Variants in HERPUD2 observed in about 807,000 individuals in gnomAD.
HERPUD2 encodes HERPUD family member 2, also known as homocysteine-responsive endoplasmic reticulum-resident ubiquitin-like domain member 2 protein.
Under a neutral mutation model 49.9 loss-of-function variants are expected in HERPUD2, and 13 were observed. That is an observed-to-expected ratio of 0.26 (90% confidence interval 0.17 to 0.41). HERPUD2 has a LOEUF of 0.41. HERPUD2 is among the 10% of genes least tolerant of loss of function. HERPUD2 has a pLI of 1.00. For missense variants in HERPUD2, 449 were observed against 492.2 expected (o/e 0.91, Z 0.83); for synonymous variants, 172 against 171.4 (o/e 1.00, Z -0.03).
chr7:35,669,979 G>A (rs756476692), intron 4 of HERPUD2, among the ~76,000 whole-genome samples: 122 of 151,614 alleles, frequency 8.0e-4, no homozygotes, highest in Non-Finnish European at 1.6e-3. Context: ...ATCTATTACT[G>A]ACCTGCCATA....
At chr7:35,646,408 T>A (rs1406192242) in intron 5 of HERPUD2, among the ~76,000 whole-genome samples, 1 of 151,020 alleles carries the variant, frequency 6.6e-6, no homozygotes, top group African/African-American at 2.4e-5. Flanking sequence ...AAAAAAAAAA[T>A]TCAATTAGCT....
intron 4 of HERPUD2, 66 bp downstream of exon 4, chr7:35,670,149 C>CA (rs1281735522): frequency 1.9e-5 from 14 of 723,518 alleles, no homozygotes; most frequent in Non-Finnish European, 2.7e-5. Context: ...TTTTTAGAGG[C>CA]AAAAAATAAG....
At chr7:35,665,906 T>G (rs564884725) in intron 5 of HERPUD2, among the ~76,000 whole-genome samples, 2 of 152,338 alleles carry the variant, frequency 1.3e-5, no homozygotes, top group African/African-American at 4.8e-5. Flanking sequence ...CTTGATTTGT[T>G]TATTACAAAA....
At chr7:35,660,439 T>C (rs1477884679) in intron 5 of HERPUD2, among the ~76,000 whole-genome samples, 1 of 152,236 alleles carries the variant, frequency 6.6e-6, no homozygotes, top group Non-Finnish European at 1.5e-5. Flanking sequence ...TCTAGATCCT[T>C]GAGGAATCGC....
At chr7:35,665,722 G>A (rs1336714110) in intron 5 of HERPUD2, among the ~76,000 whole-genome samples, 1 of 152,134 alleles carries the variant, frequency 6.6e-6, no homozygotes, top group Non-Finnish European at 1.5e-5. Context: ...TTCCTATTCG[G>A]CCATCTTGGC....
chr7:35,640,224 C>G (rs1319012190), intron 5 of HERPUD2, among the ~76,000 whole-genome samples: 3 of 152,198 alleles, frequency 2.0e-5, no homozygotes, highest in African/African-American at 7.2e-5. Context: ...AGTATTACAG[C>G]AATATGCTGT....
At chr7:35,636,139 G>C (rs1023597904) in intron 6 of HERPUD2, among the ~76,000 whole-genome samples, 1 of 152,146 alleles carries the variant, frequency 6.6e-6, no homozygotes, top group Non-Finnish European at 1.5e-5. Flanking sequence ...TCTTGGATTT[G>C]CTTTAAATTA....
intron 5 of HERPUD2, among the ~76,000 whole-genome samples, chr7:35,660,726 T>C (rs537806139): frequency 6.6e-6 from 1 of 152,314 alleles, no homozygotes; most frequent in Non-Finnish European, 1.5e-5. Flanking sequence ...GATGGGGTTG[T>C]TGGATTTTTT....
intron 6 of HERPUD2, among the ~76,000 whole-genome samples, chr7:35,637,200 T>C (rs1048269600): frequency 6.8e-6 from 1 of 147,206 alleles, no homozygotes; most frequent in African/African-American, 2.6e-5. Flanking sequence ...GATAGATAGA[T>C]AGATAAAAGA....
In HERPUD2 at chr7:35,632,840, T is replaced by C. The variant is rs1170827619; in HGVS notation, c.*850A>G. 1 of 152,626 alleles carries C rather than the reference T, an allele frequency of 6.6e-6. No individual in the cohort carries two copies. The highest frequency in any genetic ancestry group is 1.5e-5 in the Non-Finnish European group (1 of 68,024). The allele number at this position is 152,626 out of a possible 1,614,324, so 9.5% of individuals were successfully genotyped here. On this transcript the variant is annotated 3_prime_UTR_variant, in exon 9 of 9. Coordinates refer to ENST00000311350, the MANE Select transcript of HERPUD2 (RefSeq NM_022373.5). ...ATACATGCCCTTAATACAGAAAGTT[T>C]CCATTATTTATTCAAATATCAAAAT...
chr7:35,644,224 C>G (rs1328867204), intron 5 of HERPUD2, among the ~76,000 whole-genome samples: 1 of 150,344 alleles, frequency 6.7e-6, no homozygotes, highest in Non-Finnish European at 1.5e-5. Context: ...CTAAAACATA[C>G]ATAGCACCAC....
chr7:35,639,698 A>C (rs1784936864), intron 5 of HERPUD2, among the ~76,000 whole-genome samples: 1 of 152,214 alleles, frequency 6.6e-6, no homozygotes, highest in Non-Finnish European at 1.5e-5. Context: ...TTCATTAGCT[A>C]TAATTTTATA....
chr7:35,687,673 G>A (rs1777968440), intron 2 of HERPUD2, among the ~76,000 whole-genome samples: 1 of 152,138 alleles, frequency 6.6e-6, no homozygotes, highest in Non-Finnish European at 1.5e-5. Flanking sequence ...GGACTTTTTT[G>A]TTGTTTCTAA....
chr7:35,692,918 C>G (rs1786223499), intron 2 of HERPUD2, among the ~76,000 whole-genome samples: 1 of 152,194 alleles, frequency 6.6e-6, no homozygotes, highest in Non-Finnish European at 1.5e-5. Flanking sequence ...TCCAACAGAT[C>G]CATGCTTAAA....
chr7:35,653,712 T>C (rs1429021354), intron 5 of HERPUD2, among the ~76,000 whole-genome samples: 1 of 152,228 alleles, frequency 6.6e-6, no homozygotes, highest in Admixed American at 6.5e-5. Context: ...TCAAGTATCT[T>C]TTATGACCAC....
At chr7:35,675,423 TA>T (rs1262979808) in intron 2 of HERPUD2, among the ~76,000 whole-genome samples, 1 of 152,220 alleles carries the variant, frequency 6.6e-6, no homozygotes, top group African/African-American at 2.4e-5. Flanking sequence ...CAATGCTTTA[TA>T]AATCTCTATA....
At chr7:35,672,889 TC>T (rs372434003) in intron 3 of HERPUD2, among the ~76,000 whole-genome samples, 157 of 152,138 alleles carry the variant, frequency 1.0e-3, no homozygotes, top group African/African-American at 3.5e-3. Flanking sequence ...TCAATGAAAA[TC>T]CGTCACCACT....
intron 3 of HERPUD2, 118 bp from the exon 4 acceptor site, chr7:35,670,446 T>C (rs917299858): frequency 3.2e-5 from 13 of 411,258 alleles, no homozygotes; most frequent in South Asian, 1.1e-4. Flanking sequence ...GCCATTTAAT[T>C]ACTGATAAAT....
intron 5 of HERPUD2, among the ~76,000 whole-genome samples, chr7:35,662,718 C>T (rs1785450811): frequency 6.6e-6 from 1 of 151,990 alleles, no homozygotes. Flanking sequence ...GTGGTGATAT[C>T]CCCTTTATCA....
Sources: gnomAD v4.1 joint callset for allele counts (sites outside exome capture counted in the v4.1 genomes callset) on GRCh38, gnomAD v4.1.1 for gene constraint, MANE v1.5 for transcripts, NCBI Gene and HGNC (gene_info 2026-07-23, HGNC 2026-07-21) for gene names.